Variants in ZNF804B observed in about 807,000 individuals in gnomAD.
ZNF804B encodes zinc finger protein 804B.
In ZNF804B, 80 loss-of-function variants were observed where a neutral mutation model predicts 101.4. That is an observed-to-expected ratio of 0.79 (90% CI 0.66 to 0.95). ZNF804B has a LOEUF of 0.95. Ranked by LOEUF, ZNF804B falls within the 40% of genes least tolerant of loss-of-function variation. The pLI, the probability that ZNF804B is intolerant of heterozygous loss-of-function variation, is 0.00. For missense variants in ZNF804B, 1,673 were observed against 1,561.9 expected, an observed-to-expected ratio of 1.07 and a Z score of -1.20; for synonymous variants, 622 against 558.8, an observed-to-expected ratio of 1.11 and a Z score of -1.59.
At chr7:89,311,217 T>A (rs1322848020) in intron 2 of ZNF804B, among the ~76,000 whole-genome samples, 1 of 152,190 alleles carries the variant, frequency 6.6e-6, no homozygotes. Flanking sequence ...TTTGAGAAAT[T>A]TATTTGAGTA....
At chr7:89,000,125 A>G (rs10952939) in intron 1 of ZNF804B, among the ~76,000 whole-genome samples, 127,788 of 151,868 alleles carry the variant, frequency 0.84, 54,190 homozygotes, top group African/African-American at 0.95. Flanking sequence ...AGAAGCCTAG[A>G]GATCTGTTAC....
chr7:88,816,326 G>T (rs916299936), intron 1 of ZNF804B, among the ~76,000 whole-genome samples: 1 of 152,046 alleles, frequency 6.6e-6, no homozygotes, highest in East Asian at 1.9e-4. Context: ...GCATGGGCAG[G>T]GACTTCGTGT....
intron 1 of ZNF804B, among the ~76,000 whole-genome samples, chr7:89,184,759 C>T (rs2115593905): frequency 6.6e-6 from 1 of 152,144 alleles, no homozygotes; most frequent in Middle Eastern, 3.4e-3. Flanking sequence ...TTGGAACAAC[C>T]CACAAGTTAT....
chr7:89,278,921 A>T (rs773005277), intron 2 of ZNF804B, among the ~76,000 whole-genome samples: 27 of 152,064 alleles, frequency 1.8e-4, no homozygotes, highest in Non-Finnish European at 3.1e-4. Flanking sequence ...GATGGCATTG[A>T]ATCTGTAAAT....
At chr7:89,244,402 A>C (rs538230755) in intron 2 of ZNF804B, among the ~76,000 whole-genome samples, 74 of 152,238 alleles carry the variant, frequency 4.9e-4, no homozygotes, top group African/African-American at 1.7e-3. Context: ...TTAAAATATT[A>C]GTATATTTGA....
At chr7:89,014,608 G>A (rs983317878) in intron 1 of ZNF804B, among the ~76,000 whole-genome samples, 32 of 152,266 alleles carry the variant, frequency 2.1e-4, no homozygotes, top group South Asian at 2.1e-4. Context: ...GAGCCACCGC[G>A]CCCAGCGATT....
At position 88,888,946 on chromosome 7, in the gene ZNF804B, C is replaced by A. The variant is rs141299413; in HGVS notation, c.108+128862C>A. On this transcript the variant is annotated intron_variant, in intron 1 of 3. Transcript: ENST00000333190. ...TGTTCAGCCCTTGCCCTCTTCCTCT[C>A]TCCTGCCTCAAGTAGTCCCCAGTGT... Among the ~76,000 whole-genome samples, 3 of 152,282 alleles carry A rather than the reference C, an allele frequency of 2.0e-5. No homozygotes were observed. The East Asian group carries it at 5.8e-4, about 29-fold the overall frequency.
chr7:89,038,396 A>G (rs1356094346), intron 1 of ZNF804B, among the ~76,000 whole-genome samples: 1 of 152,114 alleles, frequency 6.6e-6, no homozygotes, highest in Non-Finnish European at 1.5e-5. Context: ...GTTTTAATGC[A>G]TATTTCTCTA....
chr7:88,962,708 C>CACAT (rs1372960350), intron 1 of ZNF804B, among the ~76,000 whole-genome samples: 1 of 84,188 alleles, frequency 1.2e-5, no homozygotes, highest in Non-Finnish European at 2.5e-5. Flanking sequence ...GTTAAACTCA[C>CACAT]ATATATATAT....
chr7:88,833,893 T>C (rs3847043), intron 1 of ZNF804B, among the ~76,000 whole-genome samples: 75,621 of 151,270 alleles, frequency 0.5, 20,784 homozygotes, highest in East Asian at 0.81. Flanking sequence ...CAAAATTACT[T>C]ATTTTCTTTT....
intron 1 of ZNF804B, among the ~76,000 whole-genome samples, chr7:88,854,611 T>A: frequency 6.9e-6 from 1 of 144,136 alleles, no homozygotes; most frequent in Admixed American, 7.1e-5. Flanking sequence ...CTTTCTTCGC[T>A]TTTTTTTTAT....
chr7:89,133,486 G>C (rs373571540), intron 1 of ZNF804B, among the ~76,000 whole-genome samples: 2 of 151,992 alleles, frequency 1.3e-5, no homozygotes, highest in East Asian at 3.9e-4. Context: ...TTTTCACAGT[G>C]CTGGCTGGGT....
chr7:88,913,734 A>G (rs1022053369), intron 1 of ZNF804B, among the ~76,000 whole-genome samples: 1 of 152,168 alleles, frequency 6.6e-6, no homozygotes, highest in Admixed American at 6.5e-5. Context: ...TGTACTCTTA[A>G]ACAGTGTGTT....
chr7:88,880,733 A>G (rs1792017840), intron 1 of ZNF804B, among the ~76,000 whole-genome samples: 1 of 152,268 alleles, frequency 6.6e-6, no homozygotes, highest in South Asian at 2.1e-4. Flanking sequence ...AATTTTAATT[A>G]AATTTTTCTT....
At chr7:88,946,320 C>T (rs190666514) in intron 1 of ZNF804B, among the ~76,000 whole-genome samples, 104 of 151,436 alleles carry the variant, frequency 6.9e-4, no homozygotes, top group Non-Finnish European at 1.3e-3. Context: ...TGAATTTTAT[C>T]GAAGGCCTTT....
intron 1 of ZNF804B, among the ~76,000 whole-genome samples, chr7:89,004,954 G>A (rs1788350840): frequency 6.6e-6 from 1 of 151,882 alleles, no homozygotes; most frequent in East Asian, 1.9e-4. Context: ...TTCCTCTTCT[G>A]TTTCATTCAC....
At chr7:88,947,839 A>G (rs895881552) in intron 1 of ZNF804B, among the ~76,000 whole-genome samples, 1 of 151,918 alleles carries the variant, frequency 6.6e-6, no homozygotes, top group African/African-American at 2.4e-5. Context: ...ACACTGTGCC[A>G]TTTCACATAA....
chr7:89,268,069 A>G (rs1194501295), intron 2 of ZNF804B, among the ~76,000 whole-genome samples: 1 of 152,090 alleles, frequency 6.6e-6, no homozygotes, highest in East Asian at 1.9e-4. Context: ...GCTGTGATGA[A>G]CCTTTTGGAC....
intron 1 of ZNF804B, among the ~76,000 whole-genome samples, chr7:88,831,109 G>A (rs1279752768): frequency 6.6e-6 from 1 of 151,856 alleles, no homozygotes; most frequent in South Asian, 2.1e-4. Context: ...ACATTTGAAT[G>A]TTTTCCAGTA....
Sources: allele counts gnomAD v4.1 joint callset (sites outside exome capture counted in the v4.1 genomes callset), GRCh38; gene constraint gnomAD v4.1.1; transcripts MANE v1.5; gene names NCBI Gene and HGNC (gene_info 2026-07-23, HGNC 2026-07-21).